ANOS1: variants seen among roughly 807,000 people sequenced by gnomAD.
The protein encoded by ANOS1 is anosmin-1.
Under a neutral mutation model 59.0 loss-of-function variants are expected in ANOS1, and 6 were observed. The ratio of observed to expected loss-of-function variants is 0.10; its 90% CI spans 0.06 to 0.20. The LOEUF (loss-of-function observed/expected upper bound fraction) is 0.20, where lower values mean the gene tolerates loss of function less well. Ranked by LOEUF, ANOS1 falls within the 10% of genes least tolerant of loss-of-function variation. The probability of loss-of-function intolerance (pLI) is 1.00; values close to 1 mark genes in which losing one functional copy is unlikely to be tolerated. For synonymous variants in ANOS1, 217 were observed against 223.4 expected (o/e 0.97, Z 0.25); for missense variants, 433 against 542.3 (o/e 0.80, Z 2.00).
At chrX:8,724,218 G>A (rs1051396280) in intron 1 of ANOS1, among the ~76,000 whole-genome samples, 22 of 112,011 alleles carry the variant, frequency 2.0e-4, no homozygotes, top group Admixed American at 3.8e-4. Flanking sequence ...TATAAGAACC[G>A]AGTTGTCTGA....
intron 2 of ANOS1, among the ~76,000 whole-genome samples, chrX:8,697,312 G>A (rs1349485471): frequency 8.9e-6 from 1 of 112,167 alleles, no homozygotes; most frequent in Non-Finnish European, 1.9e-5. Flanking sequence ...GAGACAGCCA[G>A]TGAGAATCAG....
chrX:8,545,409 A>AAGGAAGGAAGGAAGGAAGGC (rs745936247), intron 9 of ANOS1, among the ~76,000 whole-genome samples: 19 of 104,586 alleles, frequency 1.8e-4, no homozygotes, highest in African/African-American at 6.3e-4. Flanking sequence ...GGAAGGAAGG[A>AAGGAAGGAAGGAAGGAAGGC]AGGCAGGCAG....
rs1929497848 is a variant in ANOS1, at chrX:8,531,576, T to A, written c.*1419A>T. 1 of 111,808 alleles carries A rather than the reference T, an allele frequency of 8.9e-6. No individual in the cohort carries two copies. The highest frequency in any genetic ancestry group is 3.2e-5 in the African/African-American group (1 of 30,793). 9.2% of individuals were successfully genotyped at this position (111,808 alleles called of 1,213,427 possible). A position where few individuals can be genotyped will look rare whatever the true frequency, so the allele number is the denominator to read the frequency against. ...CAGCATTGATGGGGAAAATATATTA[T>A]CCTTATGACCTTTAAAAGAGCTGTA... On this transcript the variant is annotated 3_prime_UTR_variant, in exon 14 of 14. Coordinates refer to ENST00000262648, the MANE Select transcript of ANOS1 (RefSeq NM_000216.4).
chrX:8,542,502 C>T (rs1020495491), intron 9 of ANOS1, among the ~76,000 whole-genome samples: 1 of 108,578 alleles, frequency 9.2e-6, no homozygotes, highest in African/African-American at 3.4e-5. Context: ...TACTGGTTTT[C>T]TACAGCTGCT....
intron 1 of ANOS1, among the ~76,000 whole-genome samples, chrX:8,705,322 G>A (rs1449717654): frequency 1.8e-5 from 2 of 111,760 alleles, no homozygotes; most frequent in Non-Finnish European, 3.8e-5. Context: ...TTATATGCAT[G>A]CACACACACA....
At chrX:8,571,062 G>A (rs1930223655) in intron 6 of ANOS1, among the ~76,000 whole-genome samples, 1 of 101,504 alleles carries the variant, frequency 9.9e-6, no homozygotes. Context: ...AGTGAGCCGC[G>A]ATTAGCACCA....
chrX:8,535,960 T>C, intron 11 of ANOS1, 149 bp from the exon 12 acceptor site: 1 of 516,695 alleles, frequency 1.9e-6, no homozygotes, highest in Non-Finnish European at 3.4e-6. Context: ...GTTCAGACAA[T>C]CACCCCTTTG....
At chrX:8,563,814 G>A (rs1930069406) in intron 8 of ANOS1, among the ~76,000 whole-genome samples, 1 of 112,099 alleles carries the variant, frequency 8.9e-6, no homozygotes, top group South Asian at 3.7e-4. Flanking sequence ...GAAGTGAACA[G>A]AAAGTGGTAA....
At position 8,665,100 on chromosome X, in the gene ANOS1, G is replaced by A. The variant is rs953609449; in HGVS notation, c.255+34598C>T. On this transcript the variant is annotated intron_variant, in intron 2 of 13. Coordinates refer to ENST00000262648, the MANE Select transcript of ANOS1 (RefSeq NM_000216.4). ...AAGCATCCCGTCATGCTGCAAAGGC[G>A]GGACGTGCTCCCAGAATGACAGGCA... 1.3e-4 allele frequency among the ~76,000 whole-genome samples: 14 copies of A among 111,542 alleles called. 1 individual carries two copies. The highest frequency in any genetic ancestry group is 3.8e-4 in the South Asian group (1 of 2,654).
intron 2 of ANOS1, among the ~76,000 whole-genome samples, chrX:8,685,932 C>G (rs923234594): frequency 8.9e-6 from 1 of 111,879 alleles, no homozygotes; most frequent in African/African-American, 3.3e-5. Context: ...CAGGGCCAAA[C>G]CCCTCTGGCT....
At chrX:8,588,703 A>G (rs752111875) in intron 4 of ANOS1, among the ~76,000 whole-genome samples, 1 of 112,567 alleles carries the variant, frequency 8.9e-6, no homozygotes, top group East Asian at 2.8e-4. Flanking sequence ...TAAAGTAGTT[A>G]ATCATTCTGA....
At chrX:8,620,890 A>C (rs915560129) in intron 3 of ANOS1, among the ~76,000 whole-genome samples, 2 of 112,053 alleles carry the variant, frequency 1.8e-5, no homozygotes, top group Non-Finnish European at 3.8e-5. Flanking sequence ...AACACCTCAC[A>C]GTTACCTCAG....
At chrX:8,554,568 T>TTTGTTGTTG (rs1569047206) in intron 8 of ANOS1, among the ~76,000 whole-genome samples, 2 of 94,921 alleles carry the variant, frequency 2.1e-5, no homozygotes, top group African/African-American at 8.3e-5. Context: ...TTTTTTTTTT[T>TTTGTTGTTG]TTGTTGTTGT....
chrX:8,615,556 AAAAG>A (rs1476653617), intron 3 of ANOS1, among the ~76,000 whole-genome samples: 5 of 101,176 alleles, frequency 4.9e-5, no homozygotes, highest in African/African-American at 1.8e-4. Context: ...AAAAAAAAAA[AAAAG>A]AAAAGAAAAG....
intron 2 of ANOS1, among the ~76,000 whole-genome samples, chrX:8,690,001 C>T (rs1035551059): frequency 2.1e-4 from 23 of 111,597 alleles, no homozygotes; most frequent in African/African-American, 6.5e-4. Context: ...AATTTCTTTT[C>T]GCATGCATTC....
chrX:8,651,495 A>G (rs190775832), intron 2 of ANOS1, among the ~76,000 whole-genome samples: 1 of 112,410 alleles, frequency 8.9e-6, no homozygotes, highest in Non-Finnish European at 1.9e-5. Flanking sequence ...TTTCAAAGCT[A>G]TGTTCTCACC....
At chrX:8,638,272 A>G (rs929848492) in intron 2 of ANOS1, among the ~76,000 whole-genome samples, 1 of 112,546 alleles carries the variant, frequency 8.9e-6, no homozygotes, top group African/African-American at 3.2e-5. Context: ...CCCTTGTGAC[A>G]TCAAAAATGC....
intron 2 of ANOS1, among the ~76,000 whole-genome samples, chrX:8,638,807 A>T (rs1430228763): frequency 1.8e-5 from 2 of 112,059 alleles, no homozygotes; most frequent in African/African-American, 6.5e-5. Flanking sequence ...ATGATCTATA[A>T]TTCACAGGCT....
intron 2 of ANOS1, among the ~76,000 whole-genome samples, chrX:8,646,926 C>A (rs1931768574): frequency 1.1e-5 from 1 of 92,583 alleles, no homozygotes; most frequent in Non-Finnish European, 2.1e-5. Context: ...GAGTGCGAAC[C>A]TGTCTCAAAA....
Sources: gnomAD v4.1 joint callset for allele counts (sites outside exome capture counted in the v4.1 genomes callset) on GRCh38, gnomAD v4.1.1 for gene constraint, MANE v1.5 for transcripts, NCBI Gene and HGNC (gene_info 2026-07-23, HGNC 2026-07-21) for gene names.